Variants in TLL2 observed in about 807,000 individuals in gnomAD.
TLL2 encodes the protein tolloid-like protein 2.
A neutral mutation model predicts 123.0 loss-of-function variants in TLL2; 106 were observed. The ratio of observed to expected loss-of-function variants is 0.86; its 90% confidence interval spans 0.74 to 1.01. The LOEUF (loss-of-function observed/expected upper bound fraction) is 1.01. Ranked by LOEUF, TLL2 falls within the 50% of genes least tolerant of loss-of-function variation. TLL2 has a pLI of 0.00. For missense variants in TLL2, 1,332 were observed against 1,336.7 expected (o/e 1.00, Z 0.06); for synonymous variants, 494 against 516.8 (o/e 0.96, Z 0.60).
intron 2 of TLL2, among the ~76,000 whole-genome samples, chr10:96,449,686 T>G (rs1846936350): frequency 2.0e-5 from 3 of 152,094 alleles, no homozygotes; most frequent in Non-Finnish European, 1.5e-5. Flanking sequence ...GATATGGCCC[T>G]GCCAGCCTGC....
intron 2 of TLL2, among the ~76,000 whole-genome samples, chr10:96,461,768 C>G (rs375557053): frequency 5.9e-5 from 9 of 152,352 alleles, no homozygotes; most frequent in African/African-American, 1.9e-4. Context: ...CATTAATTCC[C>G]TCATTTGACA....
chr10:96,446,654 GT>G, intron 2 of TLL2, among the ~76,000 whole-genome samples: 2 of 152,190 alleles, frequency 1.3e-5, no homozygotes, highest in Non-Finnish European at 2.9e-5. Context: ...TAGTATTCGG[GT>G]TTCCTCTGTG....
At chr10:96,510,832 A>G (rs943528175) in intron 1 of TLL2, among the ~76,000 whole-genome samples, 1 of 152,210 alleles carries the variant, frequency 6.6e-6, no homozygotes, top group Non-Finnish European at 1.5e-5. Context: ...GGGGGCTCAC[A>G]CTGAAGTGCT....
chr10:96,393,378 AAC>A (rs1307222157), intron 13 of TLL2, among the ~76,000 whole-genome samples: 30 of 152,380 alleles, frequency 2.0e-4, no homozygotes, highest in African/African-American at 7.2e-4. Flanking sequence ...AACGGGACTA[AAC>A]ACTACACTCG....
chr10:96,446,045 T>C (rs1205991817), intron 3 of TLL2, 46 bp downstream of exon 3: 1 of 1,594,358 alleles, frequency 6.3e-7, no homozygotes, highest in Non-Finnish European at 8.6e-7. Flanking sequence ...TTTCCACAAC[T>C]GAAAGAAAAC....
intron 18 of TLL2, among the ~76,000 whole-genome samples, chr10:96,376,101 G>T (rs1846135816): frequency 1.3e-5 from 2 of 152,250 alleles, no homozygotes; most frequent in South Asian, 4.1e-4. Flanking sequence ...TTTGCATAAA[G>T]AACTTAGTCT....
intron 1 of TLL2, among the ~76,000 whole-genome samples, chr10:96,500,840 A>T (rs12259321): frequency 0.44 from 65,548 of 150,038 alleles, 14,668 homozygotes; most frequent in Middle Eastern, 0.62. Flanking sequence ...TGAGAAAAAA[A>T]TCTGTATGTC....
chr10:96,389,153 G>C (rs943832583), intron 13 of TLL2, among the ~76,000 whole-genome samples: 2 of 152,152 alleles, frequency 1.3e-5, no homozygotes, highest in Non-Finnish European at 2.9e-5. Flanking sequence ...TCAGACCTGG[G>C]GTGGATCCTC....
chr10:96,449,940 C>T (rs1846939457), intron 2 of TLL2, among the ~76,000 whole-genome samples: 1 of 152,212 alleles, frequency 6.6e-6, no homozygotes, highest in African/African-American at 2.4e-5. Flanking sequence ...TCTGTTCCCA[C>T]AGCCCCTGGC....
chr10:96,427,171 T>C (rs1846686069), intron 5 of TLL2, among the ~76,000 whole-genome samples: 1 of 152,216 alleles, frequency 6.6e-6, no homozygotes, highest in Non-Finnish European at 1.5e-5. Flanking sequence ...TTATTCTATT[T>C]TTGTTATTAT....
intron 17 of TLL2, 26 bp downstream of exon 17, chr10:96,378,941 C>A (rs373090210): frequency 6.2e-7 from 1 of 1,612,460 alleles, no homozygotes; most frequent in Non-Finnish European, 8.5e-7. Flanking sequence ...AGCCCGCCCC[C>A]CCAACAACTG....
intron 1 of TLL2, among the ~76,000 whole-genome samples, chr10:96,490,096 C>CA (rs1046497199): frequency 2.0e-4 from 29 of 146,224 alleles, no homozygotes; most frequent in South Asian, 1.7e-3. Context: ...GACTCTGTCT[C>CA]AAAAAAAAAT....
At chr10:96,481,546 T>C (rs1223848718) in intron 1 of TLL2, among the ~76,000 whole-genome samples, 1 of 152,280 alleles carries the variant, frequency 6.6e-6, no homozygotes, top group South Asian at 2.1e-4. Flanking sequence ...TTGGGCCAGG[T>C]GTCAAGGAAA....
At chr10:96,380,188 G>GC (rs1285298918) in intron 16 of TLL2, among the ~76,000 whole-genome samples, 1 of 152,180 alleles carries the variant, frequency 6.6e-6, no homozygotes, top group African/African-American at 2.4e-5. Flanking sequence ...TCAAGTGCTG[G>GC]CCCTTGTTAA....
chr10:96,497,443 C>T (rs980771665), intron 1 of TLL2, among the ~76,000 whole-genome samples: 1 of 152,208 alleles, frequency 6.6e-6, no homozygotes, highest in South Asian at 2.1e-4. Context: ...GTCCAGGAAG[C>T]GTGCTTCTGT....
intron 3 of TLL2, among the ~76,000 whole-genome samples, chr10:96,437,297 T>C (rs1182683869): frequency 6.6e-6 from 1 of 152,206 alleles, no homozygotes; most frequent in African/African-American, 2.4e-5. Flanking sequence ...TTCAGATATT[T>C]CATTTCCTCT....
intron 1 of TLL2, among the ~76,000 whole-genome samples, chr10:96,512,866 C>A (rs1281941500): frequency 6.6e-6 from 1 of 152,232 alleles, no homozygotes; most frequent in African/African-American, 2.4e-5. Flanking sequence ...GCCCGTACGT[C>A]CTGGGGCGCC....
chr10:96,405,443 T>A, intron 9 of TLL2, 109 bp from the exon 10 acceptor site: 1 of 962,812 alleles, frequency 1.0e-6, no homozygotes, highest in Middle Eastern at 2.1e-4. Flanking sequence ...TGCAGAACTT[T>A]CAGACCACGG....
At chr10:96,482,904 A>G (rs1847324465) in intron 1 of TLL2, among the ~76,000 whole-genome samples, 2 of 152,224 alleles carry the variant, frequency 1.3e-5, no homozygotes, top group Non-Finnish European at 2.9e-5. Flanking sequence ...CTTTCAGTTG[A>G]GAAAGAATTG....
Sources: allele counts gnomAD v4.1 joint callset (sites outside exome capture counted in the v4.1 genomes callset), GRCh38; gene constraint gnomAD v4.1.1; transcripts MANE v1.5; gene names NCBI Gene and HGNC (gene_info 2026-07-23, HGNC 2026-07-21).